The following TMEM74 variants were observed in gnomAD, a reference collection of about 807,000 sequenced individuals.
The protein encoded by TMEM74 is transmembrane protein 74.
A neutral mutation model predicts 18.1 loss-of-function variants in TMEM74; 13 were observed. The ratio of observed to expected loss-of-function variants is 0.72; its 90% CI spans 0.47 to 1.14. The LOEUF is 1.14. TMEM74 is among the 50% of genes most tolerant of loss of function. The pLI, the probability that TMEM74 is intolerant of heterozygous loss-of-function variation, is 0.00. For missense variants in TMEM74, 372 were observed against 375.9 expected (o/e 0.99, Z 0.09); for synonymous variants, 159 against 146.6 (o/e 1.08, Z -0.61).
chr8:108,750,895 A>G (rs1813898220), intron 1 of TMEM74, among the ~76,000 whole-genome samples: 2 of 152,022 alleles, frequency 1.3e-5, no homozygotes, highest in South Asian at 4.1e-4. Flanking sequence ...CGTATTTTCC[A>G]TTTGTCTCTT....
In TMEM74 at chr8:108,781,255, C is replaced by T. The variant is rs1398072151; in HGVS notation, c.*2926G>A. Among the ~76,000 whole-genome samples the T allele has an allele frequency of 4.6e-5, 7 of 152,242 alleles. No individual in the cohort carries two copies. The highest frequency in any genetic ancestry group is 3.9e-4 in the East Asian group (2 of 5,186). ...ACCAGCACCATATTGAAGAGACAGACGGAAGGTCACAAATCTCCATGAAGG... is the reference window on the plus strand; with the variant it reads ...ACCAGCACCATATTGAAGAGACAGATGGAAGGTCACAAATCTCCATGAAGG... On this transcript the variant is annotated 3_prime_UTR_variant, in exon 2 of 2. Coordinates refer to ENST00000297459, the MANE Select transcript of TMEM74 (RefSeq NM_153015.3).
At chr8:108,682,313 C>T (rs1309942146) in intron 1 of TMEM74, among the ~76,000 whole-genome samples, 9 of 152,016 alleles carry the variant, frequency 5.9e-5, no homozygotes, top group Admixed American at 4.6e-4. Flanking sequence ...TTTTACCTAC[C>T]TAACATCTAT....
intron 2 of TMEM74, among the ~76,000 whole-genome samples, chr8:108,636,185 A>G (rs769022971): frequency 1.2e-4 from 18 of 152,044 alleles, no homozygotes; most frequent in Non-Finnish European, 2.6e-4. Flanking sequence ...CTGCAGTAAC[A>G]AAAAGTTGCA....
intron 1 of TMEM74, among the ~76,000 whole-genome samples, chr8:108,686,755 T>C (rs1813174605): frequency 6.6e-6 from 1 of 152,100 alleles, no homozygotes; most frequent in Non-Finnish European, 1.5e-5. Flanking sequence ...GGAAGTTCTA[T>C]ATTTTGAGGG....
intron 1 of TMEM74, among the ~76,000 whole-genome samples, chr8:108,739,713 A>G (rs1173705402): frequency 6.6e-6 from 1 of 152,116 alleles, no homozygotes; most frequent in Non-Finnish European, 1.5e-5. Context: ...CTGGAAGTCC[A>G]AGAGGGCTTT....
rs869263977 is a variant in TMEM74, at chr8:108,717,942, G to GTTTTTTTTTT, written n.120-62515_120-62506dup. On this transcript the variant is annotated intron_variant and non_coding_transcript_variant, in intron 1 of 3. Transcript: ENST00000518838. ...TTTCTAGTGATATGATCTGACTTAG[G>GTTTTTTTTTT]TTTTTTTTTTTTTTTTTTTTTTTTT... Among the ~76,000 whole-genome samples, 6 of 45,922 alleles carry GTTTTTTTTTT rather than the reference G, an allele frequency of 1.3e-4. 1 individual carries two copies. Among genetic ancestry groups the GTTTTTTTTTT allele is most frequent in the Non-Finnish European group, 2.1e-4 (6 of 28,464 alleles). 30.1% of individuals were successfully genotyped at this position (45,922 alleles called of 152,430 possible).
chr8:108,777,248 A>G (rs935726126), downstream of TMEM74, among the ~76,000 whole-genome samples: 6 of 152,180 alleles, frequency 3.9e-5, no homozygotes, highest in Non-Finnish European at 8.8e-5. Flanking sequence ...AGATTATGCA[A>G]GATACTGCAC....
chr8:108,651,678 G>A (rs1453255783), intron 2 of TMEM74, among the ~76,000 whole-genome samples: 1 of 151,966 alleles, frequency 6.6e-6, no homozygotes, highest in Non-Finnish European at 1.5e-5. Flanking sequence ...TATGTGTGTG[G>A]TTGGGGCACT....
chr8:108,666,346 A>G (rs1392509293), intron 1 of TMEM74, among the ~76,000 whole-genome samples: 1 of 152,194 alleles, frequency 6.6e-6, no homozygotes, highest in Non-Finnish European at 1.5e-5. Flanking sequence ...TTGAGTGATT[A>G]CAGTGCACGT....
chr8:108,774,338 C>T (rs1390204430), downstream of TMEM74, among the ~76,000 whole-genome samples: 1 of 152,146 alleles, frequency 6.6e-6, no homozygotes, highest in Non-Finnish European at 1.5e-5. Flanking sequence ...AATGCTGTCC[C>T]TTTTTCTGTC....
intron 1 of TMEM74, among the ~76,000 whole-genome samples, chr8:108,694,643 G>C (rs866064067): frequency 4.6e-5 from 7 of 152,146 alleles, no homozygotes; most frequent in Admixed American, 4.6e-4. Flanking sequence ...GTATTGCCAA[G>C]GTTCTTATCA....
chr8:108,700,213 C>T (rs759063593), intron 1 of TMEM74, among the ~76,000 whole-genome samples: 1 of 150,774 alleles, frequency 6.6e-6, no homozygotes, highest in Non-Finnish European at 1.5e-5. Flanking sequence ...ACTGGACAGT[C>T]CCTAAAGGAA....
intron 1 of TMEM74, among the ~76,000 whole-genome samples, chr8:108,697,152 G>A (rs1813288513): frequency 6.6e-6 from 1 of 152,094 alleles, no homozygotes; most frequent in Admixed American, 6.5e-5. Flanking sequence ...AAGATCATCT[G>A]TCTCATTTTC....
At chr8:108,624,393 C>T (rs887050355) in intron 2 of TMEM74, among the ~76,000 whole-genome samples, 3 of 152,022 alleles carry the variant, frequency 2.0e-5, no homozygotes, top group Non-Finnish European at 2.9e-5. Context: ...AATACCTTTG[C>T]TTATATTATT....
rs906969049 is a variant in TMEM74, at chr8:108,685,529, GA to G, written n.120-30093del. On this transcript the variant is annotated intron_variant and non_coding_transcript_variant, in intron 1 of 3. Coordinates refer to the TMEM74 transcript ENST00000518838. ...TAAGTTCTTCCTTAATTTAATAAAAGAAAAAGGAAAAACTTAGCAAATAGCA... is the reference window on the plus strand; with the variant it reads ...TAAGTTCTTCCTTAATTTAATAAAAGAAAAGGAAAAACTTAGCAAATAGCA... 5.3e-5 allele frequency among the ~76,000 whole-genome samples: 8 copies of G among 152,084 alleles called. No individual in the cohort carries two copies. The East Asian group carries it at 1.5e-3, about 29-fold the overall frequency.
At chr8:108,678,732 T>TAC (rs1813081380) in intron 1 of TMEM74, among the ~76,000 whole-genome samples, 1 of 150,552 alleles carries the variant, frequency 6.6e-6, no homozygotes, top group Non-Finnish European at 1.5e-5. Context: ...TTTTAAAATT[T>TAC]ATATATTTAT....
At chr8:108,737,266 G>A (rs748857524) in intron 1 of TMEM74, among the ~76,000 whole-genome samples, 28 of 152,208 alleles carry the variant, frequency 1.8e-4, no homozygotes, top group Non-Finnish European at 3.4e-4. Flanking sequence ...TACTGATGAG[G>A]ACGTAATATG....
At chr8:108,614,833 GAATA>G (rs1173247061) in intron 2 of TMEM74, among the ~76,000 whole-genome samples, 2 of 152,052 alleles carry the variant, frequency 1.3e-5, no homozygotes, top group Non-Finnish European at 2.9e-5. Flanking sequence ...CAAGTAAAAT[GAATA>G]AATGAATGAA....
chr8:108,776,965 C>G (rs141302094), downstream of TMEM74, among the ~76,000 whole-genome samples: 1,408 of 152,220 alleles, frequency 9.2e-3, 22 homozygotes, highest in African/African-American at 0.033. Flanking sequence ...TCCCAAGTAC[C>G]TACAAAAACT....
Sources: gnomAD v4.1 joint callset for allele counts (sites outside exome capture counted in the v4.1 genomes callset) on GRCh38, gnomAD v4.1.1 for gene constraint, MANE v1.5 for transcripts, NCBI Gene and HGNC (gene_info 2026-07-23, HGNC 2026-07-21) for gene names.